The following TENM2 variants were observed in gnomAD, a reference collection of about 807,000 sequenced individuals.
TENM2 encodes the protein teneurin-2.
TENM2 carries 52 observed loss-of-function variants against 245.2 expected under a neutral mutation model. That is an observed-to-expected ratio of 0.21 (90% CI 0.17 to 0.27). The LOEUF (loss-of-function observed/expected upper bound fraction) is 0.27, where lower values mean the gene tolerates loss of function less well. Among genes scored for constraint, TENM2 ranks in the 10% least tolerant of loss-of-function variants. The pLI, the probability that TENM2 is intolerant of heterozygous loss-of-function variation, is 1.00. For synonymous variants in TENM2, 1,363 were observed against 1,438.9 expected (o/e 0.95, Z 1.19); for missense variants, 3,046 against 3,666.8 (o/e 0.83, Z 4.37).
chr5:167,766,771 C>T (rs1354112347), intron 2 of TENM2, among the ~76,000 whole-genome samples: 9 of 151,778 alleles, frequency 5.9e-5, no homozygotes, highest in African/African-American at 2.2e-4. Flanking sequence ...TCCAGCTACT[C>T]GGGAGGCTGA....
At chr5:167,272,321 G>T in the TENM2 span, among the ~76,000 whole-genome samples, 1 of 152,146 alleles carries the variant, frequency 6.6e-6, no homozygotes, top group Non-Finnish European at 1.5e-5. Flanking sequence ...AGGCAAAACA[G>T]AGGAATAAAG....
chr5:167,001,448 T>G, the TENM2 span, among the ~76,000 whole-genome samples: 1 of 152,026 alleles, frequency 6.6e-6, no homozygotes, highest in African/African-American at 2.4e-5. Flanking sequence ...ACATGACTTA[T>G]GGGGTTGCAG....
chr5:167,755,107 G>A, intron 2 of TENM2: 1 of 1,599,108 alleles, frequency 6.3e-7, no homozygotes, highest in Non-Finnish European at 8.5e-7. Flanking sequence ...TTGAATGCAA[G>A]CCAGATCATC....
chr5:168,166,454 T>C (rs1303693213), intron 13 of TENM2, among the ~76,000 whole-genome samples: 1 of 152,238 alleles, frequency 6.6e-6, no homozygotes, highest in Non-Finnish European at 1.5e-5. Context: ...TAACAGCCTT[T>C]TTTCAACCTG....
intron 2 of TENM2, among the ~76,000 whole-genome samples, chr5:167,754,728 CA>C (rs10663941): frequency 6.2e-5 from 9 of 145,202 alleles, no homozygotes; most frequent in African/African-American, 2.0e-4. Flanking sequence ...AGAGATATTT[CA>C]AAAAAAAAAA....
chr5:167,641,536 C>T (rs1438952048), intron 2 of TENM2, among the ~76,000 whole-genome samples: 1 of 152,156 alleles, frequency 6.6e-6, no homozygotes, highest in East Asian at 1.9e-4. Flanking sequence ...TGTTGCATTT[C>T]TCAAACAATC....
chr5:166,989,566 A>AT, the TENM2 span, among the ~76,000 whole-genome samples: 270 of 151,434 alleles, frequency 1.8e-3, no homozygotes, highest in Middle Eastern at 0.01. Flanking sequence ...TAACTTTTGT[A>AT]TTTTTTGTAG....
At chr5:167,963,292 A>G (rs1306486841) in intron 4 of TENM2, among the ~76,000 whole-genome samples, 2 of 152,176 alleles carry the variant, frequency 1.3e-5, no homozygotes, top group African/African-American at 4.8e-5. Context: ...TCTTAGCAAT[A>G]GATAATTGAA....
At chr5:167,262,749 C>A in the TENM2 span, among the ~76,000 whole-genome samples, 1 of 151,990 alleles carries the variant, frequency 6.6e-6, no homozygotes, top group African/African-American at 2.4e-5. Context: ...AAATTTAAAC[C>A]CACTTCTGTT....
Position 167,956,513 on chromosome 5 carries a change from A to G in TENM2, c.947+3691A>G, listed in dbSNP as rs140228938. Among the ~76,000 whole-genome samples, 203 of 152,266 alleles carry G rather than the reference A, an allele frequency of 1.3e-3. 1 individual carries two copies. Among genetic ancestry groups the G allele is most frequent in the African/African-American group, 4.6e-3 (191 of 41,552 alleles). ...GCCAGAACTTCGAGTACTATGTTGA[A>G]TAGGAGTGGTGAGAGAGGGCATCCT... is the stretch of plus-strand genomic sequence containing the variant. On this transcript the variant is annotated intron_variant, in intron 4 of 28. Transcript: ENST00000518659.
chr5:167,918,624 C>T (rs140793660), intron 3 of TENM2, among the ~76,000 whole-genome samples: 3 of 152,244 alleles, frequency 2.0e-5, no homozygotes, highest in Admixed American at 6.5e-5. Flanking sequence ...AGACAGGAGC[C>T]GTGTGGCAGT....
At chr5:167,723,536 T>C (rs192432637) in intron 2 of TENM2, among the ~76,000 whole-genome samples, 8 of 152,336 alleles carry the variant, frequency 5.3e-5, no homozygotes, top group African/African-American at 1.9e-4. Context: ...CCAAGGCTCT[T>C]ATATCTAGCA....
At chr5:167,215,647 A>G in the TENM2 span, among the ~76,000 whole-genome samples, 1 of 152,174 alleles carries the variant, frequency 6.6e-6, no homozygotes, top group African/African-American at 2.4e-5. Flanking sequence ...ATGTAGTCCA[A>G]TGTCTTACAT....
the TENM2 span, among the ~76,000 whole-genome samples, chr5:167,275,313 CT>C: frequency 6.6e-6 from 1 of 152,000 alleles, no homozygotes; most frequent in Non-Finnish European, 1.5e-5. Flanking sequence ...CCACTTTCTT[CT>C]TTTTTAAATA....
intron 2 of TENM2, among the ~76,000 whole-genome samples, chr5:167,454,625 C>G (rs907100027): frequency 1.3e-5 from 2 of 152,082 alleles, no homozygotes; most frequent in African/African-American, 4.8e-5. Context: ...CTGTCTTTCT[C>G]TCTCTCCTCG....
Position 167,458,503 on chromosome 5 carries a change from A to C in TENM2, c.502+83030A>C, listed in dbSNP as rs928428829. On this transcript the variant is annotated intron_variant, in intron 2 of 28. Coordinates refer to ENST00000518659, the Ensembl canonical transcript of TENM2. ...CTCCGTCTCAAAAAAACAAAAAAAAAAAAAAAAAAAAAAGACATTTTTGGT... is the reference window on the plus strand; with the variant it reads ...CTCCGTCTCAAAAAAACAAAAAAAACAAAAAAAAAAAAAGACATTTTTGGT... Among the ~76,000 whole-genome samples, 56 of 141,806 alleles carry C rather than the reference A, an allele frequency of 3.9e-4. 1 individual carries two copies. Among genetic ancestry groups the C allele is most frequent in the Admixed American group, 1.8e-3 (22 of 12,066 alleles). The allele number at this position is 141,806 out of a possible 152,430, so 93.0% of individuals were successfully genotyped here. A position where few individuals can be genotyped will look rare whatever the true frequency, so the allele number is the denominator to read the frequency against.
At chr5:167,230,229 G>A in the TENM2 span, among the ~76,000 whole-genome samples, 2 of 152,184 alleles carry the variant, frequency 1.3e-5, no homozygotes, top group African/African-American at 4.8e-5. Context: ...GCCTGGGAAG[G>A]TCAAGGAGCT....
chr5:167,717,118 C>A (rs1027915371), intron 2 of TENM2, among the ~76,000 whole-genome samples: 1 of 151,888 alleles, frequency 6.6e-6, no homozygotes, highest in African/African-American at 2.4e-5. Flanking sequence ...CCACACCTGG[C>A]TAATTTTTTG....
chr5:167,299,289 G>A (rs1755163344), intron 1 of TENM2, among the ~76,000 whole-genome samples: 1 of 152,164 alleles, frequency 6.6e-6, no homozygotes, highest in Non-Finnish European at 1.5e-5. Context: ...GCTAAACTGA[G>A]GAATTATGTC....
Sources: allele counts gnomAD v4.1 joint callset (sites outside exome capture counted in the v4.1 genomes callset), GRCh38; gene constraint gnomAD v4.1.1; transcripts MANE v1.5; gene names NCBI Gene and HGNC (gene_info 2026-07-23, HGNC 2026-07-21).